TRIM36: variants seen among roughly 807,000 people sequenced by gnomAD.
TRIM36 encodes E3 ubiquitin-protein ligase TRIM36.
In TRIM36, 42 loss-of-function variants were observed where a neutral mutation model predicts 72.4. The ratio of observed to expected loss-of-function variants is 0.58; its 90% CI spans 0.45 to 0.75. TRIM36 has a LOEUF of 0.75. TRIM36 is among the 30% of genes least tolerant of loss of function. TRIM36 has a pLI of 0.00. For synonymous variants in TRIM36, 315 were observed against 282.8 expected, an observed-to-expected ratio of 1.11 and a Z score of -1.14; for missense variants, 913 against 857.1, an observed-to-expected ratio of 1.07 and a Z score of -0.81.
chr5:115,174,633 C>T (rs990572576), upstream of TRIM36, among the ~76,000 whole-genome samples: 5 of 152,156 alleles, frequency 3.3e-5, no homozygotes, highest in Non-Finnish European at 2.9e-5. Flanking sequence ...GCCAAATCCT[C>T]CTCATCTTTC....
At chr5:115,137,288 G>A (rs182970319) in intron 6 of TRIM36, 75 bp downstream of exon 6, 63 of 1,530,452 alleles carry the variant, frequency 4.1e-5, no homozygotes, top group Non-Finnish European at 4.0e-5. Flanking sequence ...ACCAATCAGA[G>A]CTAAAGTGAG....
In TRIM36 at chr5:115,163,105, G is replaced by A. The variant is rs532956645; in HGVS notation, c.262+413C>T. ...CCCAGGTAGCTGGGGTTACAGGCACGCGTCACCACACCTAGCTCATTTTGT... is the reference window on the plus strand; with the variant it reads ...CCCAGGTAGCTGGGGTTACAGGCACACGTCACCACACCTAGCTCATTTTGT... On this transcript the variant is annotated intron_variant, in intron 2 of 9. Coordinates refer to ENST00000513154, the MANE Select transcript of TRIM36 (RefSeq NM_001300759.2). Among the ~76,000 whole-genome samples the A allele has an allele frequency of 6.6e-5, 10 of 152,002 alleles. No individual in the cohort carries two copies. The South Asian group carries it at 8.3e-4, about 13-fold the overall frequency.
At position 115,169,839 on chromosome 5, in the gene TRIM36, C is replaced by A. The variant is rs1248856486; in HGVS notation, c.-205G>T. On this transcript the variant is annotated 5_prime_UTR_variant, in exon 1 of 10. Coordinates refer to ENST00000513154, the MANE Select transcript of TRIM36 (RefSeq NM_001300759.2). The stretch of plus-strand genomic sequence containing the variant: ...AAAGCACAGGCGCGGGAGAAGCGAG[C>A]TTTGCTCCCAGCGACTACCCCGGGA... 7.6e-7 allele frequency: 1 copy of A among 1,316,832 alleles called. No individual in the cohort carries two copies. The highest frequency in any genetic ancestry group is 3.7e-5 in the Admixed American group (1 of 26,896). 81.6% of individuals were successfully genotyped at this position (1,316,832 alleles called of 1,614,324 possible).
chr5:115,143,388 C>G (rs1753391767), intron 4 of TRIM36, among the ~76,000 whole-genome samples: 1 of 151,960 alleles, frequency 6.6e-6, no homozygotes, highest in South Asian at 2.1e-4. Context: ...GCAACCTAAT[C>G]ACATACTCAA....
intron 2 of TRIM36, chr5:115,149,314 A>C (rs1441479630): frequency 6.6e-6 from 1 of 152,102 alleles, no homozygotes; most frequent in East Asian, 1.9e-4. Context: ...AATTCTGGAG[A>C]TGGTATGGTG....
At chr5:115,139,745 A>T (rs1226672132) in intron 5 of TRIM36, among the ~76,000 whole-genome samples, 1 of 152,208 alleles carries the variant, frequency 6.6e-6, no homozygotes, top group Non-Finnish European at 1.5e-5. Context: ...CGTAAAAAAA[A>T]TTCTTATTGA....
intron 1 of TRIM36, among the ~76,000 whole-genome samples, chr5:115,166,989 C>T (rs901818177): frequency 2.6e-5 from 4 of 152,166 alleles, no homozygotes; most frequent in African/African-American, 9.7e-5. Flanking sequence ...CCCCTTGCTG[C>T]TCTGCACCTG....
intron 2 of TRIM36, chr5:115,148,956 T>C (rs1482752206): frequency 6.6e-6 from 1 of 152,176 alleles, no homozygotes; most frequent in Non-Finnish European, 1.5e-5. Flanking sequence ...TCAGTTCAGG[T>C]AAAATTTAGC....
chr5:115,160,380 T>C (rs1424111269), intron 2 of TRIM36, among the ~76,000 whole-genome samples: 1 of 152,188 alleles, frequency 6.6e-6, no homozygotes, highest in Non-Finnish European at 1.5e-5. Flanking sequence ...ATAAACAATA[T>C]AACAATTATT....
chr5:115,169,551 G>C, intron 1 of TRIM36, 57 bp downstream of exon 1: 1 of 1,483,946 alleles, frequency 6.7e-7, no homozygotes. Flanking sequence ...GAAAGAGAAA[G>C]AGCCGCGGTC....
chr5:115,158,960 C>T (rs1168548433), intron 2 of TRIM36, among the ~76,000 whole-genome samples: 2 of 152,098 alleles, frequency 1.3e-5, no homozygotes, highest in South Asian at 2.1e-4. Flanking sequence ...AAGTATTCTC[C>T]CATGAAATAG....
At chr5:115,166,790 G>A (rs1289979828) in intron 1 of TRIM36, among the ~76,000 whole-genome samples, 1 of 152,186 alleles carries the variant, frequency 6.6e-6, no homozygotes, top group Non-Finnish European at 1.5e-5. Flanking sequence ...TGGCTCTGCA[G>A]TTGCCGGCAT....
chr5:115,178,380 T>G (rs1755444435), intron 1 of TRIM36, among the ~76,000 whole-genome samples: 1 of 152,178 alleles, frequency 6.6e-6, no homozygotes, highest in Non-Finnish European at 1.5e-5. Context: ...CTGTTAGGCA[T>G]TCCCCTAGAC....
chr5:115,156,556 A>G (rs1481498816), intron 2 of TRIM36, among the ~76,000 whole-genome samples: 1 of 152,186 alleles, frequency 6.6e-6, no homozygotes, highest in African/African-American at 2.4e-5. Context: ...ACAAAAACAG[A>G]AAAGTGGGTA....
intron 8 of TRIM36, among the ~76,000 whole-genome samples, chr5:115,132,848 G>A (rs1752764475): frequency 6.6e-6 from 1 of 152,176 alleles, no homozygotes; most frequent in Admixed American, 6.5e-5. Context: ...ACTAGAAAAG[G>A]AAGCAGAAAT....
Position 115,169,710 on chromosome 5 carries a change from G to T in TRIM36, c.-76C>A. The T allele has an allele frequency of 2.0e-6, 3 of 1,492,522 alleles. No individual in the cohort carries two copies. Among genetic ancestry groups the T allele is most frequent in the South Asian group, 1.3e-5 (1 of 79,334 alleles). 92.5% of individuals were successfully genotyped at this position (1,492,522 alleles called of 1,614,324 possible). A position where few individuals can be genotyped will look rare whatever the true frequency, so the allele number is the denominator to read the frequency against. ...ACCGAGCGCAGGGTCTGGTGGGCGG[G>T]TCCCTGCGGCGGCCGTGGAGCCTCG... On this transcript the variant is annotated 5_prime_UTR_variant, in exon 1 of 10. Coordinates refer to ENST00000513154, the MANE Select transcript of TRIM36 (RefSeq NM_001300759.2).
chr5:115,169,006 C>T (rs1580708329), intron 1 of TRIM36: 1 of 152,388 alleles, frequency 6.6e-6, no homozygotes, highest in East Asian at 1.9e-4. Flanking sequence ...GAGGGAGAAA[C>T]AAACTGATTA....
intron 3 of TRIM36, among the ~76,000 whole-genome samples, chr5:115,145,689 G>A (rs938540135): frequency 6.6e-6 from 1 of 152,142 alleles, no homozygotes; most frequent in African/African-American, 2.4e-5. Context: ...ACCATGCCCA[G>A]CTAATTTTGT....
At chr5:115,179,599 C>G (rs1755516741) in intron 1 of TRIM36, among the ~76,000 whole-genome samples, 2 of 152,170 alleles carry the variant, frequency 1.3e-5, no homozygotes, top group Admixed American at 1.3e-4. Flanking sequence ...GCGAGGTCAC[C>G]CACTCGAAGT....
Sources: gnomAD v4.1 joint callset for allele counts (sites outside exome capture counted in the v4.1 genomes callset) on GRCh38, gnomAD v4.1.1 for gene constraint, MANE v1.5 for transcripts, NCBI Gene and HGNC (gene_info 2026-07-23, HGNC 2026-07-21) for gene names.